KCNQ5: variants seen among roughly 807,000 people sequenced by gnomAD.
The protein encoded by KCNQ5 is potassium voltage-gated channel subfamily Q member 5.
Under a neutral mutation model 98.2 loss-of-function variants are expected in KCNQ5, and 30 were observed. The observed-to-expected ratio is 0.31, with a 90% CI of 0.23 to 0.41. KCNQ5 has a LOEUF of 0.41. Among genes scored for constraint, KCNQ5 ranks in the 10% least tolerant of loss-of-function variants. KCNQ5 has a pLI of 1.00. For missense variants in KCNQ5, 835 were observed against 1,182.5 expected (o/e 0.71, Z 4.31); for synonymous variants, 458 against 449.4 (o/e 1.02, Z -0.24).
intron 3 of KCNQ5, among the ~76,000 whole-genome samples, chr6:73,069,941 A>G (rs908464429): frequency 6.6e-6 from 1 of 152,238 alleles, no homozygotes; most frequent in Non-Finnish European, 1.5e-5. Context: ...CATTGTAGGG[A>G]TGACCAAGAG....
At chr6:73,067,863 GATATATATATATATATATATATATAT>G (rs71695883) in intron 3 of KCNQ5, among the ~76,000 whole-genome samples, 1 of 4,384 alleles carries the variant, frequency 2.3e-4, no homozygotes, top group African/African-American at 2.5e-4. Flanking sequence ...TTGGACAAAA[GATATATATATATATATATATATATAT>G]ATATATATAT....
At chr6:72,922,321 TA>T (rs1780434085) in intron 1 of KCNQ5, among the ~76,000 whole-genome samples, 1 of 152,232 alleles carries the variant, frequency 6.6e-6, no homozygotes, top group South Asian at 2.1e-4. Flanking sequence ...TGTATATACT[TA>T]CAGTTTACAA....
At chr6:72,788,170 G>C (rs1271558240) in intron 1 of KCNQ5, among the ~76,000 whole-genome samples, 1 of 152,164 alleles carries the variant, frequency 6.6e-6, no homozygotes, top group Non-Finnish European at 1.5e-5. Flanking sequence ...GAGGAATTTT[G>C]TAGACTATGT....
chr6:73,193,663 C>T (rs905965079), intron 13 of KCNQ5, among the ~76,000 whole-genome samples: 9 of 151,400 alleles, frequency 5.9e-5, no homozygotes, highest in African/African-American at 1.7e-4. Context: ...ATATTAATTC[C>T]GGAGCATTTT....
chr6:72,728,859 T>C (rs1770415203), intron 1 of KCNQ5, among the ~76,000 whole-genome samples: 2 of 152,210 alleles, frequency 1.3e-5, no homozygotes, highest in Admixed American at 1.3e-4. Flanking sequence ...TGATCTTTTC[T>C]TTCTTTATCT....
intron 5 of KCNQ5, among the ~76,000 whole-genome samples, chr6:73,096,199 G>C (rs1774487525): frequency 6.6e-6 from 1 of 152,132 alleles, no homozygotes. Flanking sequence ...GGGAGACTAA[G>C]CCAGTCTTGG....
intron 3 of KCNQ5, among the ~76,000 whole-genome samples, chr6:73,074,260 A>C (rs902786545): frequency 2.6e-5 from 4 of 152,204 alleles, no homozygotes; most frequent in African/African-American, 9.7e-5. Flanking sequence ...GACTACTCAT[A>C]ACTTGTAAAA....
chr6:72,881,616 A>G (rs1317559260), intron 1 of KCNQ5, among the ~76,000 whole-genome samples: 1 of 152,218 alleles, frequency 6.6e-6, no homozygotes, highest in Admixed American at 6.5e-5. Context: ...CAGAATTTTA[A>G]AAGTGTTACA....
chr6:73,158,254 A>ATTTT (rs796118861), intron 10 of KCNQ5: 15 of 23,416 alleles, frequency 6.4e-4, no homozygotes, highest in South Asian at 1.4e-3. Context: ...ATTTTGGAAG[A>ATTTT]TTTTTTTTTT....
At position 72,632,349 on chromosome 6, in the gene KCNQ5, G is replaced by C. The variant is rs536886399; in HGVS notation, c.398+9762G>C. Reference sequence around the variant, plus strand: ...GTAGAGACGGGGTTTCACCGTGTTAGCCAGGATGGTCTCCATCTCCTGACC... The same window carrying C: ...GTAGAGACGGGGTTTCACCGTGTTACCCAGGATGGTCTCCATCTCCTGACC... On this transcript the variant is annotated intron_variant, in intron 1 of 13. Coordinates refer to ENST00000370398, the MANE Select transcript of KCNQ5 (RefSeq NM_019842.4). Among the ~76,000 whole-genome samples the C allele has an allele frequency of 1.4e-3, 214 of 151,912 alleles. 2 individuals carry two copies. The highest frequency in any genetic ancestry group is 4.9e-3 in the African/African-American group (202 of 41,456).
intron 3 of KCNQ5, among the ~76,000 whole-genome samples, chr6:73,068,661 C>G (rs1273019423): frequency 6.6e-6 from 1 of 152,166 alleles, no homozygotes; most frequent in East Asian, 1.9e-4. Flanking sequence ...AGGATTGGAA[C>G]TGAGGCACAT....
intron 6 of KCNQ5, among the ~76,000 whole-genome samples, chr6:73,109,142 G>T (rs1775123322): frequency 6.6e-6 from 1 of 152,208 alleles, no homozygotes; most frequent in Non-Finnish European, 1.5e-5. Flanking sequence ...TTTAATAACT[G>T]CTGTAATGTA....
intron 1 of KCNQ5, among the ~76,000 whole-genome samples, chr6:72,850,513 C>A (rs572146012): frequency 1.3e-5 from 2 of 152,206 alleles, no homozygotes; most frequent in African/African-American, 2.4e-5. Flanking sequence ...AAAGACATCT[C>A]TGGTATGACT....
At chr6:73,053,728 A>C (rs1298934891) in intron 3 of KCNQ5, among the ~76,000 whole-genome samples, 1 of 152,172 alleles carries the variant, frequency 6.6e-6, no homozygotes, top group African/African-American at 2.4e-5. Context: ...TATAGAGCTG[A>C]ATGCCTACAT....
chr6:72,685,242 G>C (rs1767891696), intron 1 of KCNQ5, among the ~76,000 whole-genome samples: 1 of 152,194 alleles, frequency 6.6e-6, no homozygotes, highest in Non-Finnish European at 1.5e-5. Context: ...AATGGTTTCT[G>C]TCTGTGATAC....
intron 1 of KCNQ5, among the ~76,000 whole-genome samples, chr6:72,648,966 A>T (rs1765741721): frequency 6.6e-6 from 1 of 152,150 alleles, no homozygotes; most frequent in Non-Finnish European, 1.5e-5. Flanking sequence ...GTTTTAGTTC[A>T]GAGATCCTCA....
At chr6:73,171,191 TC>T (rs375974549) in intron 11 of KCNQ5, among the ~76,000 whole-genome samples, 5 of 152,152 alleles carry the variant, frequency 3.3e-5, no homozygotes, top group Admixed American at 6.5e-5. Flanking sequence ...TTAAACACTA[TC>T]TGTAGCAGCA....
At chr6:72,938,511 C>T (rs529442009) in intron 1 of KCNQ5, among the ~76,000 whole-genome samples, 1 of 152,012 alleles carries the variant, frequency 6.6e-6, no homozygotes, top group South Asian at 2.1e-4. Context: ...TCCCAAGTAG[C>T]TGAGACTACA....
intron 9 of KCNQ5, 98 bp downstream of exon 9, chr6:73,124,610 C>T (rs747030587): frequency 1.8e-6 from 2 of 1,088,182 alleles, no homozygotes; most frequent in Non-Finnish European, 2.8e-6. Context: ...TCAACAAATA[C>T]AAGATGATTA....
Sources: gnomAD v4.1 joint callset for allele counts (sites outside exome capture counted in the v4.1 genomes callset) on GRCh38, gnomAD v4.1.1 for gene constraint, MANE v1.5 for transcripts, NCBI Gene and HGNC (gene_info 2026-07-23, HGNC 2026-07-21) for gene names.